The following QTRT2 variants were observed in gnomAD, a reference collection of about 807,000 sequenced individuals.
QTRT2 encodes queuine tRNA-ribosyltransferase accessory subunit 2.
Under a neutral mutation model 44.8 loss-of-function variants are expected in QTRT2, and 32 were observed. The observed-to-expected ratio is 0.71, with a 90% CI of 0.54 to 0.96. QTRT2 has a LOEUF of 0.96. QTRT2 is among the 40% of genes least tolerant of loss of function. The pLI, the probability that QTRT2 is intolerant of heterozygous loss-of-function variation, is 0.00. For synonymous variants in QTRT2, 182 were observed against 187.4 expected, an observed-to-expected ratio of 0.97 and a Z score of 0.24; for missense variants, 461 against 503.1, an observed-to-expected ratio of 0.92 and a Z score of 0.80.
chr3:114,071,513 G>A (rs1016490322), intron 6 of QTRT2, among the ~76,000 whole-genome samples: 1 of 152,092 alleles, frequency 6.6e-6, no homozygotes, highest in Non-Finnish European at 1.5e-5. Flanking sequence ...TAGCCAGGCT[G>A]GTCTTGAACT....
intron 9 of QTRT2, 47 bp downstream of exon 9, chr3:114,082,841 T>G (rs1438526509): frequency 1.2e-6 from 1 of 846,444 alleles, no homozygotes; most frequent in Non-Finnish European, 1.9e-6. Flanking sequence ...ACTTCTGAAT[T>G]TTAGTCTGTG....
intron 2 of QTRT2, among the ~76,000 whole-genome samples, chr3:114,059,047 A>G (rs2076848421): frequency 6.6e-6 from 1 of 152,260 alleles, no homozygotes; most frequent in Non-Finnish European, 1.5e-5. Context: ...GGACATTTCC[A>G]TGGCAGTATG....
Position 114,083,450 on chromosome 3 carries a change from C to T in QTRT2, c.1016+656C>T, listed in dbSNP as rs1031797179. Reference sequence around the variant, plus strand: ...TTCCTTTGAGCATCATGTTAGTGCTCAAAAAGTTCTGAATTTTGGAGCATT... The same window carrying T: ...TTCCTTTGAGCATCATGTTAGTGCTTAAAAAGTTCTGAATTTTGGAGCATT... On this transcript the variant is annotated intron_variant, in intron 9 of 9. Transcript: ENST00000281273. Among the ~76,000 whole-genome samples the T allele has an allele frequency of 4.6e-5, 7 of 152,110 alleles. No homozygotes were observed. The South Asian group carries it at 6.2e-4, about 14-fold the overall frequency.
chr3:114,066,465 A>C, intron 4 of QTRT2, 182 bp downstream of exon 4: 13 of 558,340 alleles, frequency 2.3e-5, no homozygotes, highest in East Asian at 6.0e-5. Context: ...TGCTGCTCTC[A>C]TGGAATTTGG....
At chr3:114,067,190 G>A (rs2076965451) in intron 4 of QTRT2, among the ~76,000 whole-genome samples, 1 of 152,068 alleles carries the variant, frequency 6.6e-6, no homozygotes, top group Non-Finnish European at 1.5e-5. Context: ...TCCTTGACCT[G>A]AGCCCAATTT....
In QTRT2 at chr3:114,088,021, CAT is replaced by C. The variant is rs2107812364; in HGVS notation, c.*2119_*2120del. 6.6e-6 allele frequency: 1 copy of C among 152,306 alleles called. No individual in the cohort carries two copies. Among genetic ancestry groups the C allele is most frequent in the South Asian group, 2.1e-4 (1 of 4,830 alleles). 9.4% of individuals were successfully genotyped at this position (152,306 alleles called of 1,614,324 possible). A position where few individuals can be genotyped will look rare whatever the true frequency, so the allele number is the denominator to read the frequency against. On this transcript the variant is annotated 3_prime_UTR_variant, in exon 10 of 10. Transcript: ENST00000281273. ...CCATGAATAAATTCATGGGCATCCT[CAT>C]AACTCTTCCATGAATGGCAAGGGGT...
Position 114,085,934 on chromosome 3 carries a change from C to T in QTRT2, c.*30C>T. On this transcript the variant is annotated 3_prime_UTR_variant, in exon 10 of 10. Coordinates refer to ENST00000281273, the MANE Select transcript of QTRT2 (RefSeq NM_024638.4). ...TTGCAAATACAAGTCTCACTCTTCA[C>T]ACTGAGCCTGTACCACTGTTGTAAC... 1 of 1,497,942 alleles carries T rather than the reference C, an allele frequency of 6.7e-7. No individual in the cohort carries two copies. Among genetic ancestry groups the T allele is most frequent in the Non-Finnish European group, 9.3e-7 (1 of 1,074,694 alleles). 92.8% of individuals were successfully genotyped at this position (1,497,942 alleles called of 1,614,324 possible). A position where few individuals can be genotyped will look rare whatever the true frequency, so the allele number is the denominator to read the frequency against.
chr3:114,087,855 C>T lies in QTRT2; in HGVS notation c.*1951C>T, dbSNP rs541215304. ...TGGCCCAGGCCATTCATGAGGGATC[C>T]ACCTTTGTGCTCCAAACACCTCCCA... On this transcript the variant is annotated 3_prime_UTR_variant, in exon 10 of 10. Transcript: ENST00000281273. The T allele has an allele frequency of 1.3e-5, 2 of 152,192 alleles. No individual in the cohort carries two copies. The highest frequency in any genetic ancestry group is 6.5e-5 in the Admixed American group (1 of 15,276). The allele number at this position is 152,192 out of a possible 1,614,324, so 9.4% of individuals were successfully genotyped here. A position where few individuals can be genotyped will look rare whatever the true frequency, so the allele number is the denominator to read the frequency against.
At chr3:114,074,691 C>T (rs897450295) in intron 6 of QTRT2, among the ~76,000 whole-genome samples, 5 of 152,216 alleles carry the variant, frequency 3.3e-5, no homozygotes, top group African/African-American at 4.8e-5. Flanking sequence ...TCCCTTTCTT[C>T]TACTGGAGAG....
intron 5 of QTRT2, among the ~76,000 whole-genome samples, chr3:114,069,693 C>T (rs903406131): frequency 1.1e-4 from 17 of 152,132 alleles, no homozygotes; most frequent in African/African-American, 4.1e-4. Flanking sequence ...GTGAATAGTG[C>T]TGCAATGTAC....
rs1389393693 is a variant in QTRT2, at chr3:114,076,723, T to C, written c.547-20T>C. 6.2e-7 allele frequency: 1 copy of C among 1,611,526 alleles called. No individual in the cohort carries two copies. The highest frequency in any genetic ancestry group is 8.5e-7 in the Non-Finnish European group (1 of 1,177,746). On this transcript the variant is annotated intron_variant, in intron 6 of 9. Transcript: ENST00000281273. ...CTCATACTGAAAATGGTTAAAAACATATCATCCTTCTTACCTCAGGTTCTT... is the reference window on the plus strand; with the variant it reads ...CTCATACTGAAAATGGTTAAAAACACATCATCCTTCTTACCTCAGGTTCTT...
chr3:114,081,960 T>C (rs2077170631), intron 8 of QTRT2, among the ~76,000 whole-genome samples: 2 of 152,236 alleles, frequency 1.3e-5, no homozygotes, highest in South Asian at 2.1e-4. Flanking sequence ...GCAGTTGGCT[T>C]TTTGTAGAGT....
rs2077249631 is a variant in QTRT2, at chr3:114,087,352, C to T, written c.*1448C>T. On this transcript the variant is annotated 3_prime_UTR_variant, in exon 10 of 10. Transcript: ENST00000281273. Reference sequence around the variant, plus strand: ...TTCTTGGATTGCTATAAAGAAATACCTGAGACTGGGTAATTTGGTTTTTTG... The same window carrying T: ...TTCTTGGATTGCTATAAAGAAATACTTGAGACTGGGTAATTTGGTTTTTTG... The T allele has an allele frequency of 6.6e-6, 1 of 152,072 alleles. No homozygotes were observed. The allele number at this position is 152,072 out of a possible 1,614,324, so 9.4% of individuals were successfully genotyped here.
intron 9 of QTRT2, among the ~76,000 whole-genome samples, chr3:114,085,405 G>A (rs566034886): frequency 4.6e-5 from 7 of 151,930 alleles, no homozygotes; most frequent in African/African-American, 1.5e-4. Flanking sequence ...ACGGGGTTTC[G>A]CCATATTGGC....
intron 1 of QTRT2, 25 bp from the exon 2 acceptor site, chr3:114,056,974 A>G (rs545899531): frequency 6.1e-6 from 9 of 1,468,708 alleles, no homozygotes; most frequent in South Asian, 4.0e-5. Context: ...TACTCCCGCC[A>G]TGTCTCCTCT....
chr3:114,068,474 T>A (rs2076983103), intron 5 of QTRT2: 1 of 190,512 alleles, frequency 5.2e-6, no homozygotes, highest in African/African-American at 2.3e-5. Context: ...CAATATAATA[T>A]TGTCTGCTGG....
chr3:114,082,619 C>A, intron 8 of QTRT2, 58 bp from the exon 9 acceptor site: 1 of 619,170 alleles, frequency 1.6e-6, no homozygotes, highest in Non-Finnish European at 2.8e-6. Context: ...TAAAATGTTT[C>A]CAATGGCCAC....
rs3830297 is a variant in QTRT2 at position 114,066,302 on chromosome 3, ATATGT to A, written c.256+20_256+24del. On this transcript the variant is annotated intron_variant, in intron 4 of 9. Transcript: ENST00000281273. ...TTTATAGGTAAAAATTAAGTTACTT[ATATGT>A]GCCTTGTGATGTGTTAATTTGGAGT... 173,986 of 1,466,842 alleles carry A rather than the reference ATATGT, an allele frequency of 0.12. 10,749 individuals are homozygous for A. The highest frequency in any genetic ancestry group is 0.18 in the Admixed American group (10,986 of 59,638). The allele number at this position is 1,466,842 out of a possible 1,614,324, so 90.9% of individuals were successfully genotyped here. A position where few individuals can be genotyped will look rare whatever the true frequency, so the allele number is the denominator to read the frequency against.
At chr3:114,060,527 GATAGATA>G (rs2076870100) in intron 2 of QTRT2, among the ~76,000 whole-genome samples, 2 of 145,336 alleles carry the variant, frequency 1.4e-5, no homozygotes, top group African/African-American at 5.0e-5. Flanking sequence ...TAGATAGATA[GATAGATA>G]GATAGATAGA....
Sources: gnomAD v4.1 joint callset for allele counts (sites outside exome capture counted in the v4.1 genomes callset) on GRCh38, gnomAD v4.1.1 for gene constraint, MANE v1.5 for transcripts, NCBI Gene and HGNC (gene_info 2026-07-23, HGNC 2026-07-21) for gene names.